Variants in FYN observed in about 807,000 individuals in gnomAD.
FYN encodes the protein FYN proto-oncogene, Src family tyrosine kinase, also known as tyrosine-protein kinase Fyn.
FYN carries 10 observed loss-of-function variants against 70.2 expected under a neutral mutation model. The ratio of observed to expected loss-of-function variants is 0.14; its 90% CI spans 0.09 to 0.24. The LOEUF (loss-of-function observed/expected upper bound fraction) is 0.24. FYN is among the 10% of genes least tolerant of loss of function. The pLI is 1.00. For synonymous variants in FYN, 236 were observed against 248.6 expected (o/e 0.95, Z 0.48); for missense variants, 319 against 673.1 (o/e 0.47, Z 5.82).
chr6:111,662,491 CCT>C (rs1491369641), intron 13 of FYN, among the ~76,000 whole-genome samples: 3 of 152,054 alleles, frequency 2.0e-5, no homozygotes, highest in Non-Finnish European at 4.4e-5. Flanking sequence ...CCTGCCAACC[CCT>C]GTTCTATATT....
intron 2 of FYN, among the ~76,000 whole-genome samples, chr6:111,812,993 T>C (rs1198604270): frequency 6.6e-6 from 1 of 152,214 alleles, no homozygotes; most frequent in African/African-American, 2.4e-5. Context: ...CTCATCTTTC[T>C]AGTTCCTCAA....
At chr6:111,791,983 T>A (rs547326940) in intron 2 of FYN, among the ~76,000 whole-genome samples, 1 of 152,300 alleles carries the variant, frequency 6.6e-6, no homozygotes, top group Admixed American at 6.5e-5. Flanking sequence ...TAGGTAAAGA[T>A]GTTTCTTAAA....
intron 3 of FYN, among the ~76,000 whole-genome samples, chr6:111,729,692 C>T (rs1050869542): frequency 1.3e-5 from 2 of 152,122 alleles, no homozygotes; most frequent in African/African-American, 2.4e-5. Context: ...TTAAAACTTA[C>T]ATTTACTGAA....
chr6:111,730,827 T>C (rs1801414754), intron 3 of FYN, among the ~76,000 whole-genome samples: 1 of 151,734 alleles, frequency 6.6e-6, no homozygotes, highest in South Asian at 2.1e-4. Context: ...CCTCATTCTA[T>C]AAAAACAATC....
At chr6:111,780,696 A>G (rs1005219652) in intron 2 of FYN, 61 bp from the exon 3 acceptor site, 4 of 152,420 alleles carry the variant, frequency 2.6e-5, no homozygotes, top group African/African-American at 7.2e-5. Flanking sequence ...AATTGAACAC[A>G]TATTATGTTT....
chr6:111,755,139 G>A (rs1167561415), intron 3 of FYN, among the ~76,000 whole-genome samples: 2 of 152,004 alleles, frequency 1.3e-5, no homozygotes, highest in Non-Finnish European at 2.9e-5. Context: ...GAGCTTTAAG[G>A]CTCCTTCAAG....
intron 2 of FYN, among the ~76,000 whole-genome samples, chr6:111,790,277 C>G (rs1376198378): frequency 6.6e-6 from 1 of 151,394 alleles, no homozygotes; most frequent in Non-Finnish European, 1.5e-5. Flanking sequence ...CACACACACA[C>G]ACACACACAC....
intron 2 of FYN, chr6:111,793,955 C>CTG (rs1438101218): frequency 6.6e-6 from 1 of 152,188 alleles, no homozygotes; most frequent in Non-Finnish European, 1.5e-5. Context: ...CAGGCAGCCC[C>CTG]CACAGGAAGT....
intron 5 of FYN, among the ~76,000 whole-genome samples, chr6:111,712,300 T>C (rs1444250298): frequency 1.3e-5 from 2 of 152,174 alleles, no homozygotes; most frequent in Non-Finnish European, 2.9e-5. Flanking sequence ...TAATCAACCT[T>C]GGCATGTAGG....
intron 12 of FYN, among the ~76,000 whole-genome samples, chr6:111,681,941 T>C (rs1048063449): frequency 6.6e-6 from 1 of 152,202 alleles, no homozygotes; most frequent in African/African-American, 2.4e-5. Flanking sequence ...ATAAACACTA[T>C]ACACTGTTCC....
intron 2 of FYN, among the ~76,000 whole-genome samples, chr6:111,801,693 G>C (rs569233330): frequency 5.3e-5 from 8 of 152,306 alleles, no homozygotes; most frequent in Admixed American, 2.0e-4. Context: ...ATCTGAGACT[G>C]TGACAAATGA....
chr6:111,673,666 G>T, intron 13 of FYN, among the ~76,000 whole-genome samples: 1 of 122,296 alleles, frequency 8.2e-6, no homozygotes, highest in Non-Finnish European at 1.7e-5. Context: ...CTTACGCAGG[G>T]AATGAGGGGG....
Position 111,702,112 on chromosome 6 carries a change from T to C in FYN, c.697+773A>G, listed in dbSNP as rs536463359. Among the ~76,000 whole-genome samples the C allele has an allele frequency of 1.1e-4, 17 of 152,312 alleles. No individual in the cohort carries two copies. In the South Asian group the frequency reaches 2.1e-3, roughly 19 times the overall value. On this transcript the variant is annotated intron_variant, in intron 8 of 13. Transcript: ENST00000354650. ...GCTTAATAGGATATAGACATGTGTC[T>C]ATACATGTGCACCTATATCTATAGG... is the stretch of plus-strand genomic sequence containing the variant.
intron 12 of FYN, among the ~76,000 whole-genome samples, chr6:111,686,105 G>A (rs144122056): frequency 2.6e-5 from 4 of 152,038 alleles, no homozygotes; most frequent in South Asian, 2.1e-4. Context: ...CACCCTTTCC[G>A]GGAGGAAAAT....
At chr6:111,678,152 T>TGTG (rs1798629741) in intron 12 of FYN, among the ~76,000 whole-genome samples, 3 of 135,002 alleles carry the variant, frequency 2.2e-5, no homozygotes, top group Middle Eastern at 7.1e-3. Context: ...GTGTGTGTGG[T>TGTG]GTGTGTACTT....
At chr6:111,793,658 T>A (rs994490186) in intron 2 of FYN, 1 of 152,238 alleles carries the variant, frequency 6.6e-6, no homozygotes, top group Non-Finnish European at 1.5e-5. Flanking sequence ...GATCCCCCTC[T>A]GGAATATACA....
At chr6:111,810,228 A>C in intron 2 of FYN, among the ~76,000 whole-genome samples, 1 of 152,200 alleles carries the variant, frequency 6.6e-6, no homozygotes, top group Non-Finnish European at 1.5e-5. Context: ...CATGAGGGTA[A>C]GGTAAAGGTG....
chr6:111,699,913 CTTTTTTTTTT>C (rs71021861), intron 9 of FYN, 181 bp downstream of exon 9: 12 of 186,564 alleles, frequency 6.4e-5, no homozygotes, highest in African/African-American at 1.2e-4. Flanking sequence ...CACTTACTAT[CTTTTTTTTTT>C]TTTTTTTTTT....
chr6:111,734,160 C>T (rs755436550), intron 3 of FYN, among the ~76,000 whole-genome samples: 18 of 152,120 alleles, frequency 1.2e-4, no homozygotes, highest in Non-Finnish European at 2.4e-4. Context: ...AGGGTTCACA[C>T]CAATGCTGAA....
Sources: gnomAD v4.1 joint callset for allele counts (sites outside exome capture counted in the v4.1 genomes callset) on GRCh38, gnomAD v4.1.1 for gene constraint, MANE v1.5 for transcripts, NCBI Gene and HGNC (gene_info 2026-07-23, HGNC 2026-07-21) for gene names.